The following ZBED6 variants were observed in gnomAD, a reference collection of about 807,000 sequenced individuals.
ZBED6 encodes the protein zinc finger BED-type containing 6.
A neutral mutation model predicts 58.4 loss-of-function variants in ZBED6; 40 were observed. The observed-to-expected ratio is 0.68, with a 90% CI of 0.53 to 0.89. The LOEUF (loss-of-function observed/expected upper bound fraction) is 0.89, where lower values mean the gene tolerates loss of function less well. Among genes scored for constraint, ZBED6 ranks in the 40% least tolerant of loss-of-function variants. The pLI, the probability that ZBED6 is intolerant of heterozygous loss-of-function variation, is 0.00. For synonymous variants in ZBED6, 439 were observed against 350.6 expected, an observed-to-expected ratio of 1.25 and a Z score of -2.82; for missense variants, 1,057 against 1,003.9, an observed-to-expected ratio of 1.05 and a Z score of -0.71.
chr1:203,817,756 T>A (rs980638767), intron 2 of ZBED6, among the ~76,000 whole-genome samples: 6 of 152,038 alleles, frequency 3.9e-5, no homozygotes, highest in African/African-American at 7.2e-5. Flanking sequence ...GATTTTTTTT[T>A]TATTTTTATT....
At chr1:203,847,749 G>A (rs1292002155) in intron 12 of ZBED6, 62 bp downstream of exon 12, 37 of 1,557,122 alleles carry the variant, frequency 2.4e-5, no homozygotes, top group South Asian at 4.9e-5. Flanking sequence ...GGAGTGTTCC[G>A]TGGGATCTTC....
At chr1:203,831,183 A>G (rs1240329847) in intron 7 of ZBED6, among the ~76,000 whole-genome samples, 2 of 151,842 alleles carry the variant, frequency 1.3e-5, no homozygotes, top group African/African-American at 4.8e-5. Context: ...ACCTCAGGTA[A>G]TCCACTGCGC....
At position 203,799,370 on chromosome 1, in the gene ZBED6, T is replaced by C. The variant is rs891667321; in HGVS notation, c.1848T>C (p.Phe616=). Residue 616 remains phenylalanine (F), a synonymous_variant, in exon 1 of 17, where the codon TTT becomes TTC. Transcript: ENST00000550078. ...CTGCCAGGAAAACTTGTCATCATTT[T>C]AGTCATTCGGTCAAGGCCCGTCAGA... 1.4e-5 allele frequency: 10 copies of C among 703,906 alleles called. No homozygotes were observed. The East Asian group carries it at 2.1e-4, about 15-fold the overall frequency. The allele number at this position is 703,906 out of a possible 1,614,324, so 43.6% of individuals were successfully genotyped here. A position where few individuals can be genotyped will look rare whatever the true frequency, so the allele number is the denominator to read the frequency against.
intron 11 of ZBED6, among the ~76,000 whole-genome samples, chr1:203,842,684 A>G (rs1185821877): frequency 1.8e-4 from 27 of 150,738 alleles, no homozygotes. Flanking sequence ...CAGGAGAAAC[A>G]TGCATATGTA....
chr1:203,797,242 T>G, exon 1 of ZBED6: 1 of 220,294 alleles, frequency 4.5e-6, no homozygotes, highest in Admixed American at 5.4e-5. Context: ...GGGACTCAGT[T>G]CTTACTTCTG....
chr1:203,797,423 T>G, exon 1 of ZBED6: 2 of 1,178,162 alleles, frequency 1.7e-6, no homozygotes, highest in Non-Finnish European at 2.3e-6. Context: ...CCATAGAAAC[T>G]GGAGAAAAGG....
chr1:203,836,546 G>A (rs1019501664), intron 9 of ZBED6, among the ~76,000 whole-genome samples: 2 of 152,144 alleles, frequency 1.3e-5, no homozygotes, highest in East Asian at 1.9e-4. Flanking sequence ...TCAGGAGTTC[G>A]AGACCGGCCT....
chr1:203,799,451 C>T (rs780674451), exon 1 of ZBED6: 42 of 702,866 alleles, frequency 6.0e-5, no homozygotes, highest in Non-Finnish European at 8.8e-5. Context: ...TGAAGCAGGA[C>T]GAAACTGGCC....
rs370573521 is a variant in ZBED6, at chr1:203,829,774, A to G, written c.*3202-6A>G. The stretch of plus-strand genomic sequence containing the variant: ...TTGTGAATTTGCCTTAAATGTTGAT[A>G]TATAGATCAGTTTTCTGAGGAAGGT... On this transcript the variant is annotated splice_region_variant and splice_polypyrimidine_tract_variant and intron_variant, in intron 5 of 16. Transcript: ENST00000550078. 1.9e-6 allele frequency: 3 copies of G among 1,613,852 alleles called. No individual in the cohort carries two copies. The highest frequency in any genetic ancestry group is 2.5e-6 in the Non-Finnish European group (3 of 1,179,738).
At chr1:203,848,475 T>C in intron 13 of ZBED6, 68 bp downstream of exon 13, 1 of 1,195,748 alleles carries the variant, frequency 8.4e-7, no homozygotes, top group South Asian at 1.4e-5. Context: ...TAGTTTTACC[T>C]TACAATAAAT....
intron 1 of ZBED6, among the ~76,000 whole-genome samples, chr1:203,807,570 A>G (rs1209356807): frequency 6.6e-6 from 1 of 151,652 alleles, no homozygotes; most frequent in Non-Finnish European, 1.5e-5. Context: ...TCTGCCTCCC[A>G]GGCTGGAGTG....
intron 1 of ZBED6, chr1:203,805,963 T>A (rs1672187227): frequency 1.6e-6 from 1 of 611,928 alleles, no homozygotes. Context: ...AACCGTGGTC[T>A]TGGTATCCTT....
At chr1:203,825,092 A>AG (rs1490526836) in intron 3 of ZBED6, among the ~76,000 whole-genome samples, 8 of 149,996 alleles carry the variant, frequency 5.3e-5, no homozygotes, top group African/African-American at 1.5e-4. Flanking sequence ...AAAAAAAAAA[A>AG]AAAGAAAATA....
chr1:203,804,852 T>TAA (rs1204215944), intron 1 of ZBED6, among the ~76,000 whole-genome samples: 2 of 151,934 alleles, frequency 1.3e-5, no homozygotes, highest in Admixed American at 6.6e-5. Flanking sequence ...TTTGTATTTT[T>TAA]AGTAGAGATG....
At position 203,798,498 on chromosome 1, in the gene ZBED6, G is replaced by A. The variant is rs1178777221; in HGVS notation, c.976G>A (p.Gly326Ser). The change falls in exon 1 of 17, where the codon GGT becomes AGT. Residue 326 changes from glycine (G) to serine (S), a missense_variant. Coordinates refer to ENST00000550078, the Ensembl canonical transcript of ZBED6. Reference sequence around the variant, plus strand: ...TTGGGCTGTTGCCAACAAAGACAGTGGTGCTGTTGCAAATGGATTAGATGA... The same window carrying A: ...TTGGGCTGTTGCCAACAAAGACAGTAGTGCTGTTGCAAATGGATTAGATGA... 2.0e-6 allele frequency: 3 copies of A among 1,536,136 alleles called. No individual in the cohort carries two copies. The South Asian group carries it at 3.6e-5, about 18-fold the overall frequency.
chr1:203,809,695 T>C (rs1024027194), intron 1 of ZBED6, among the ~76,000 whole-genome samples: 15 of 152,188 alleles, frequency 9.9e-5, no homozygotes, highest in Non-Finnish European at 2.1e-4. Flanking sequence ...GGCTCACGGC[T>C]GTAATCCTAG....
intron 1 of ZBED6, among the ~76,000 whole-genome samples, chr1:203,816,328 G>A (rs1243523240): frequency 6.6e-6 from 1 of 152,202 alleles, no homozygotes; most frequent in East Asian, 1.9e-4. Context: ...ATACATATAT[G>A]TATAATGTAG....
chr1:203,829,937 A>C (rs1291274288), intron 6 of ZBED6, 41 bp downstream of exon 6: 1 of 1,558,682 alleles, frequency 6.4e-7, no homozygotes, highest in Admixed American at 1.7e-5. Flanking sequence ...AGCACTGTTG[A>C]AACTACCTTT....
At chr1:203,853,970 T>A (rs1689723077) in exon 17 of ZBED6, 1 of 152,696 alleles carries the variant, frequency 6.5e-6, no homozygotes, top group African/African-American at 2.4e-5. Flanking sequence ...TTGTATATAT[T>A]CTTTATTCTT....
Sources: allele counts gnomAD v4.1 joint callset (sites outside exome capture counted in the v4.1 genomes callset), GRCh38; gene constraint gnomAD v4.1.1; transcripts MANE v1.5; gene names NCBI Gene and HGNC (gene_info 2026-07-23, HGNC 2026-07-21).